The following GPN1 variants were observed in gnomAD, a reference collection of about 807,000 sequenced individuals.
The protein encoded by GPN1 is ATP(GTP)-binding protein.
A neutral mutation model predicts 55.9 loss-of-function variants in GPN1; 44 were observed. That is an observed-to-expected ratio of 0.79 (90% CI 0.62 to 1.01). GPN1 has a LOEUF of 1.01. Ranked by LOEUF, GPN1 falls within the 50% of genes least tolerant of loss-of-function variation. The pLI is 0.00. For missense variants in GPN1, 466 were observed against 462.8 expected, an observed-to-expected ratio of 1.01 and a Z score of -0.06; for synonymous variants, 179 against 162.5, an observed-to-expected ratio of 1.10 and a Z score of -0.77.
chr2:27,628,820 C>T, upstream of GPN1: 1 of 1,483,048 alleles, frequency 6.7e-7, no homozygotes, highest in Non-Finnish European at 9.0e-7. Context: ...AGATCAGCGC[C>T]CTTTTCCTAG....
At chr2:27,632,538 G>C in intron 4 of GPN1, 95 bp from the exon 5 acceptor site, 1 of 806,292 alleles carries the variant, frequency 1.2e-6, no homozygotes, top group East Asian at 2.4e-5. Flanking sequence ...GGATTCAGTA[G>C]GTGATAGTGC....
intron 7 of GPN1, among the ~76,000 whole-genome samples, chr2:27,636,475 TATTA>T (rs1369660953): frequency 3.3e-5 from 5 of 152,154 alleles, no homozygotes; most frequent in African/African-American, 1.2e-4. Flanking sequence ...TTCATTTTCA[TATTA>T]ATTATTTATT....
At chr2:27,648,398 A>C (rs1449799091) in intron 13 of GPN1, among the ~76,000 whole-genome samples, 1 of 152,134 alleles carries the variant, frequency 6.6e-6, no homozygotes, top group Non-Finnish European at 1.5e-5. Flanking sequence ...TCACACCTGT[A>C]GTTCAAGCTG....
At position 27,638,993 on chromosome 2, in the gene GPN1, A is replaced by G; in HGVS notation, c.679A>G (p.Met227Val). ...TTYVSNLTRS[M>V]SLVLDEFYSS... ...ATACGTCAGTAACCTGACTCGTTCA[A>G]TGAGCCTGGTGTTAGATGAGTTTTA... The change falls in exon 9 of 14, where the codon ATG becomes GTG. Residue 227 changes from methionine to valine, a missense_variant. Coordinates refer to ENST00000610189, the MANE Select transcript of GPN1 (RefSeq NM_007266.4). The G allele has an allele frequency of 6.2e-7, 1 of 1,613,590 alleles. No homozygotes were observed. The highest frequency in any genetic ancestry group is 8.5e-7 in the Non-Finnish European group (1 of 1,179,718).
chr2:27,635,672 G>A (rs1673708099), intron 7 of GPN1, among the ~76,000 whole-genome samples: 1 of 152,084 alleles, frequency 6.6e-6, no homozygotes, highest in South Asian at 2.1e-4. Flanking sequence ...TTTAAAATTA[G>A]CCAGCGTGGT....
intron 9 of GPN1, 115 bp downstream of exon 9, chr2:27,639,146 T>A (rs1446259155): frequency 1.3e-6 from 1 of 795,716 alleles, no homozygotes; most frequent in African/African-American, 1.7e-5. Flanking sequence ...AAAGTAACTT[T>A]TAAAGCATTG....
chr2:27,638,364 G>A, intron 8 of GPN1, 109 bp downstream of exon 8: 1 of 654,130 alleles, frequency 1.5e-6, no homozygotes, highest in East Asian at 2.7e-5. Flanking sequence ...CCAGATTCAG[G>A]CTTTACTGAA....
chr2:27,630,113 C>T (rs2148061351), intron 2 of GPN1, among the ~76,000 whole-genome samples, 161 bp downstream of exon 2: 1 of 152,224 alleles, frequency 6.6e-6, no homozygotes, highest in South Asian at 2.1e-4. Flanking sequence ...TGGTGAAACT[C>T]CATCTCTACT....
At chr2:27,642,958 T>TATACACAC (rs10643705) in intron 12 of GPN1, among the ~76,000 whole-genome samples, 1,684 of 122,624 alleles carry the variant, frequency 0.014, 26 homozygotes, top group East Asian at 0.079. Context: ...TATATATATA[T>TATACACAC]ACACACACAC....
chr2:27,638,872 C>G lies in GPN1; in HGVS notation c.571-13C>G. On this transcript the variant is annotated splice_polypyrimidine_tract_variant and intron_variant, in intron 8 of 13. Transcript: ENST00000610189. ...GGCTCTGGTTGCTCATAATTGACTT[C>G]TCTCTGGTACAGACTGACATCATTG... 6.3e-7 allele frequency: 1 copy of G among 1,586,276 alleles called. No individual in the cohort carries two copies. Among genetic ancestry groups the G allele is most frequent in the Non-Finnish European group, 8.5e-7 (1 of 1,169,714 alleles).
In GPN1 at chr2:27,634,814, T is replaced by C. The variant is rs778194143; in HGVS notation, c.351-32T>C. 6 of 1,193,170 alleles carry C rather than the reference T, an allele frequency of 5.0e-6. No individual in the cohort carries two copies. In the South Asian group the frequency reaches 7.3e-5, roughly 14 times the overall value. 73.9% of individuals were successfully genotyped at this position (1,193,170 alleles called of 1,614,324 possible). Reference sequence around the variant, plus strand: ...AATATCCTTCAGCATAACACAAATGTAACACTTCTTTAATGATCTTTCTTG... The same window carrying C: ...AATATCCTTCAGCATAACACAAATGCAACACTTCTTTAATGATCTTTCTTG... On this transcript the variant is annotated intron_variant, in intron 5 of 13. Transcript: ENST00000610189.
chr2:27,639,670 C>T (rs572719348), intron 9 of GPN1, among the ~76,000 whole-genome samples: 11 of 152,096 alleles, frequency 7.2e-5, no homozygotes, highest in African/African-American at 1.2e-4. Context: ...TAGGCGTGTG[C>T]GGTATACCAT....
chr2:27,638,854 G>A, intron 8 of GPN1, 31 bp from the exon 9 acceptor site: 1 of 1,572,542 alleles, frequency 6.4e-7, no homozygotes, highest in Non-Finnish European at 8.6e-7. Context: ...GTTGGCTCTG[G>A]TTGCTCATAA....
In GPN1 at chr2:27,629,874, C is replaced by T. The variant is rs578234772; in HGVS notation, c.127C>T (p.Leu43=). ...ATCTCTGCAGAGGCTCACAGGACAC[C>T]TGCATGCCCAAGGCACTCCACCGTA... ...TTFVQRLTGH[L]HAQGTPPYVI... is the part of the protein sequence containing the mutation. Residue 43 remains leucine, a synonymous_variant, in exon 2 of 14, where the codon CTG becomes TTG. Transcript: ENST00000610189. 4 of 1,603,368 alleles carry T rather than the reference C, an allele frequency of 2.5e-6. No individual in the cohort carries two copies. The highest frequency in any genetic ancestry group is 3.4e-6 in the Non-Finnish European group (4 of 1,170,210).
rs1180240083 is a variant in GPN1, at chr2:27,650,886, A to AATT, written c.*689_*691dup. On this transcript the variant is annotated 3_prime_UTR_variant, in exon 14 of 14. Coordinates refer to ENST00000610189, the MANE Select transcript of GPN1 (RefSeq NM_007266.4). ...TGCTTGTCATGATTTCAAATTAGAAAATTATATAATTGCAAACAGCTTCAC... is the reference window on the plus strand; with the variant it reads ...TGCTTGTCATGATTTCAAATTAGAAAATTATTATATAATTGCAAACAGCTTCAC... 1 of 152,816 alleles carries AATT rather than the reference A, an allele frequency of 6.5e-6. No homozygotes were observed. Among genetic ancestry groups the AATT allele is most frequent in the African/African-American group, 2.4e-5 (1 of 41,468 alleles). 9.5% of individuals were successfully genotyped at this position (152,816 alleles called of 1,614,324 possible).
At chr2:27,634,697 A>G in intron 5 of GPN1, 149 bp from the exon 6 acceptor site, 3 of 622,650 alleles carry the variant, frequency 4.8e-6, no homozygotes, top group Non-Finnish European at 8.9e-6. Context: ...CATCATGTGC[A>G]GTTTAGGGCC....
At chr2:27,628,318 T>C, upstream of GPN1, 3 of 1,366,416 alleles carry the variant, frequency 2.2e-6, no homozygotes, top group Non-Finnish European at 2.9e-6. Flanking sequence ...TCTAGGCTCT[T>C]TCATCATCTT....
chr2:27,646,805 ATATC>A (rs1674255548), intron 12 of GPN1, among the ~76,000 whole-genome samples: 1 of 151,934 alleles, frequency 6.6e-6, no homozygotes, highest in African/African-American at 2.4e-5. Flanking sequence ...TTATTGCTCT[ATATC>A]TAGTAGAGAA....
intron 3 of GPN1, 94 bp downstream of exon 3, chr2:27,631,160 G>T: frequency 1.4e-6 from 1 of 719,136 alleles, no homozygotes. Context: ...TTTTCCTTGT[G>T]AAATATACAA....
Sources: gnomAD v4.1 joint callset for allele counts (sites outside exome capture counted in the v4.1 genomes callset) on GRCh38, gnomAD v4.1.1 for gene constraint, MANE v1.5 for transcripts, NCBI Gene and HGNC (gene_info 2026-07-23, HGNC 2026-07-21) for gene names.